Variants in GABBR2 observed in about 807,000 individuals in gnomAD.
GABBR2 encodes the protein gamma-aminobutyric acid type B receptor subunit 2, also known as G-protein coupled receptor 51.
Under a neutral mutation model 105.6 loss-of-function variants are expected in GABBR2, and 23 were observed. The ratio of observed to expected loss-of-function variants is 0.22; its 90% CI spans 0.16 to 0.31. The LOEUF is 0.31. Among genes scored for constraint, GABBR2 ranks in the 10% least tolerant of loss-of-function variants. The pLI, the probability that GABBR2 is intolerant of heterozygous loss-of-function variation, is 1.00. For missense variants in GABBR2, 734 were observed against 1,245.5 expected, an observed-to-expected ratio of 0.59 and a Z score of 6.18; for synonymous variants, 478 against 499.7, an observed-to-expected ratio of 0.96 and a Z score of 0.58.
At position 98,290,805 on chromosome 9, in the gene GABBR2, A is replaced by G. The variant is rs1897949; in HGVS notation, c.2661-56T>C. 32,743 of 1,306,434 alleles carry G rather than the reference A, an allele frequency of 0.025. 6,618 individuals are homozygous for G. In the African/African-American group the frequency reaches 0.45, roughly 18 times the overall value. 80.9% of individuals were successfully genotyped at this position (1,306,434 alleles called of 1,614,324 possible). On this transcript the variant is annotated intron_variant, in intron 18 of 18. Transcript: ENST00000259455. ...GAAGGGTAGCTGGGCGCTTACCAGA[A>G]AGTTCCTTGGACTTGCTTTGGCTAA...
rs139570840 is a variant in GABBR2, at chr9:98,471,804, A to T, written c.999+1342T>A. Among the ~76,000 whole-genome samples, 451 of 152,322 alleles carry T rather than the reference A, an allele frequency of 3.0e-3. 4 individuals carry two copies. Among genetic ancestry groups the T allele is most frequent in the African/African-American group, 0.01 (416 of 41,570 alleles). On this transcript the variant is annotated intron_variant, in intron 6 of 18. Transcript: ENST00000259455. The stretch of plus-strand genomic sequence containing the variant: ...ATACAGGGTATCCCTGGACCCAAGG[A>T]TCTTAATAAATTGCAAAATTTGACA...
intron 14 of GABBR2, among the ~76,000 whole-genome samples, chr9:98,308,860 A>C (rs1464648105): frequency 6.6e-6 from 1 of 152,230 alleles, no homozygotes; most frequent in Non-Finnish European, 1.5e-5. Context: ...ATGACAGCCA[A>C]AGGAAACGAA....
At position 98,351,981 on chromosome 9, in the gene GABBR2, A is replaced by T. The variant is rs182418998; in HGVS notation, c.1893+10734T>A. On this transcript the variant is annotated intron_variant, in intron 13 of 18. Transcript: ENST00000259455. Reference sequence around the variant, plus strand: ...TTTAGGGATTGACTTTCATGGGGAAATAATTTTTCCTGTACATGTGTCTAT... The same window carrying T: ...TTTAGGGATTGACTTTCATGGGGAATTAATTTTTCCTGTACATGTGTCTAT... Among the ~76,000 whole-genome samples, 600 of 152,352 alleles carry T rather than the reference A, an allele frequency of 3.9e-3. 3 individuals carry two copies. Among genetic ancestry groups the T allele is most frequent in the African/African-American group, 0.014 (562 of 41,592 alleles).
intron 1 of GABBR2, among the ~76,000 whole-genome samples, chr9:98,582,411 G>A (rs1413242234): frequency 6.6e-6 from 1 of 152,184 alleles, no homozygotes; most frequent in East Asian, 1.9e-4. Context: ...ATCTTCCCCA[G>A]TTGAGCCTCC....
chr9:98,628,583 C>T (rs1829777239), intron 1 of GABBR2, among the ~76,000 whole-genome samples: 1 of 151,904 alleles, frequency 6.6e-6, no homozygotes, highest in African/African-American at 2.4e-5. Context: ...TTTTTCAAAG[C>T]TTTTCTATTA....
chr9:98,348,632 T>C (rs922964483), intron 13 of GABBR2, among the ~76,000 whole-genome samples: 3 of 152,228 alleles, frequency 2.0e-5, no homozygotes, highest in Non-Finnish European at 1.5e-5. Context: ...GTAGTTTTCA[T>C]TGTAGAGGTC....
At chr9:98,365,738 C>A (rs371763470) in intron 12 of GABBR2, among the ~76,000 whole-genome samples, 1 of 151,974 alleles carries the variant, frequency 6.6e-6, no homozygotes, top group Admixed American at 6.5e-5. Flanking sequence ...GAAAATTATA[C>A]AAGTACACCC....
At chr9:98,340,191 T>G (rs1231326600) in intron 13 of GABBR2, among the ~76,000 whole-genome samples, 4 of 152,038 alleles carry the variant, frequency 2.6e-5, no homozygotes, top group Admixed American at 6.5e-5. Context: ...GGGTTTTTTT[T>G]TTTTTTTTGT....
Position 98,549,238 on chromosome 9 carries a change from G to A in GABBR2, c.460-7195C>T, listed in dbSNP as rs1418251448. Among the ~76,000 whole-genome samples, 2 of 122,362 alleles carry A rather than the reference G, an allele frequency of 1.6e-5. 1 individual carries two copies. The highest frequency in any genetic ancestry group is 5.2e-5 in the African/African-American group (2 of 38,134). 80.3% of individuals were successfully genotyped at this position (122,362 alleles called of 152,430 possible). A position where few individuals can be genotyped will look rare whatever the true frequency, so the allele number is the denominator to read the frequency against. On this transcript the variant is annotated intron_variant, in intron 2 of 18. Coordinates refer to ENST00000259455, the MANE Select transcript of GABBR2 (RefSeq NM_005458.8). ...TGGGATTACAGGCGTGAGCCACTGT[G>A]CCTGGCTTCTTTTCCATGTTTTGAT...
At chr9:98,706,424 G>C (rs1830895687) in intron 1 of GABBR2, among the ~76,000 whole-genome samples, 1 of 152,224 alleles carries the variant, frequency 6.6e-6, no homozygotes, top group African/African-American at 2.4e-5. Flanking sequence ...ACACTTCTCT[G>C]TTTGCACGAA....
rs185100754 is a variant in GABBR2 at position 98,460,838 on chromosome 9, C to T, written c.1000-6621G>A. 7.0e-3 allele frequency among the ~76,000 whole-genome samples: 1,067 copies of T among 152,104 alleles called. 9 individuals are homozygous for T. The highest frequency in any genetic ancestry group is 0.01 in the Non-Finnish European group (695 of 67,980). On this transcript the variant is annotated intron_variant, in intron 6 of 18. Transcript: ENST00000259455. ...GGCAAGATGAACACAAAGGAAAGTTCACTTCAGCACAGTGTAGTAAAACTG... is the reference window on the plus strand; with the variant it reads ...GGCAAGATGAACACAAAGGAAAGTTTACTTCAGCACAGTGTAGTAAAACTG...
intron 3 of GABBR2, among the ~76,000 whole-genome samples, chr9:98,508,422 C>T (rs548261949): frequency 6.6e-6 from 1 of 152,226 alleles, no homozygotes; most frequent in Non-Finnish European, 1.5e-5. Context: ...AAGTGCAGGA[C>T]AGTGGGTGCA....
chr9:98,487,005 C>T (rs149514496), intron 4 of GABBR2, among the ~76,000 whole-genome samples: 74 of 152,294 alleles, frequency 4.9e-4, no homozygotes, highest in Non-Finnish European at 9.1e-4. Context: ...TGAAGGCATA[C>T]GCTTCACTCT....
At chr9:98,317,259 C>G (rs1183939754) in intron 13 of GABBR2, among the ~76,000 whole-genome samples, 2 of 152,240 alleles carry the variant, frequency 1.3e-5, no homozygotes, top group African/African-American at 4.8e-5. Flanking sequence ...CACCTGACTT[C>G]TGGTCAGGCT....
At chr9:98,505,423 G>GGTGTGTGTGTGTGTGTGTGT (rs59702034) in intron 3 of GABBR2, among the ~76,000 whole-genome samples, 1 of 148,392 alleles carries the variant, frequency 6.7e-6, no homozygotes, top group African/African-American at 2.5e-5. Context: ...GCTGTATCCA[G>GGTGTGTGTGTGTGTGTGTGT]GTGTGTGTGT....
At chr9:98,398,849 C>A (rs974102978) in intron 8 of GABBR2, among the ~76,000 whole-genome samples, 1 of 152,134 alleles carries the variant, frequency 6.6e-6, no homozygotes, top group Admixed American at 6.5e-5. Context: ...AGTTAACTGA[C>A]CTTTGTTTTG....
chr9:98,687,511 G>A (rs756028568), intron 1 of GABBR2, among the ~76,000 whole-genome samples: 5 of 152,190 alleles, frequency 3.3e-5, no homozygotes, highest in Non-Finnish European at 7.3e-5. Flanking sequence ...GGGCCTGGTT[G>A]AGAAGAGGAT....
chr9:98,591,997 C>T (rs957826202), intron 1 of GABBR2, among the ~76,000 whole-genome samples: 1 of 152,162 alleles, frequency 6.6e-6, no homozygotes, highest in African/African-American at 2.4e-5. Flanking sequence ...AAGTTGATTC[C>T]TCTCTCAAGC....
intron 2 of GABBR2, among the ~76,000 whole-genome samples, chr9:98,574,331 CTT>C (rs1828879931): frequency 6.6e-6 from 1 of 152,266 alleles, no homozygotes; most frequent in African/African-American, 2.4e-5. Context: ...TCCCAAAAGA[CTT>C]TGTCACCTCT....
Sources: gnomAD v4.1 joint callset for allele counts (sites outside exome capture counted in the v4.1 genomes callset) on GRCh38, gnomAD v4.1.1 for gene constraint, MANE v1.5 for transcripts, NCBI Gene and HGNC (gene_info 2026-07-23, HGNC 2026-07-21) for gene names.